CEP170B: variants seen among roughly 807,000 people sequenced by gnomAD.
CEP170B encodes centrosomal protein of 170 kDa protein B.
Under a neutral mutation model 120.6 loss-of-function variants are expected in CEP170B, and 55 were observed. The observed-to-expected ratio is 0.46, with a 90% CI of 0.37 to 0.57. The LOEUF (loss-of-function observed/expected upper bound fraction) is 0.57, where lower values mean the gene tolerates loss of function less well. CEP170B is among the 20% of genes least tolerant of loss of function. CEP170B has a pLI of 0.00. For missense variants in CEP170B, 2,212 were observed against 2,253.3 expected, an observed-to-expected ratio of 0.98 and a Z score of 0.37; for synonymous variants, 1,033 against 954.5, an observed-to-expected ratio of 1.08 and a Z score of -1.52.
At chr14:104,872,250 T>C (rs1354762535) in intron 2 of CEP170B, among the ~76,000 whole-genome samples, 2 of 123,046 alleles carry the variant, frequency 1.6e-5, no homozygotes, top group African/African-American at 3.3e-5. Flanking sequence ...TGCGTGTGTG[T>C]GCCATGTGTG....
In CEP170B at chr14:104,884,162, A is replaced by G. The variant is rs1353754107; in HGVS notation, c.1383A>G (p.Pro461=). The G allele has an allele frequency of 1.9e-6, 3 of 1,551,628 alleles. No individual in the cohort carries two copies. Among genetic ancestry groups the G allele is most frequent in the South Asian group, 1.2e-5 (1 of 84,646 alleles). Reference sequence around the variant, plus strand: ...AGGCAGGGGGCCGCAGCTCGGGGCCACAGAGGGCCGGCTCGCTCAAGCGGG... The same window carrying G: ...AGGCAGGGGGCCGCAGCTCGGGGCCGCAGAGGGCCGGCTCGCTCAAGCGGG... The part of the protein sequence containing the change: ...PVQAGGRSSG[P]QRAGSLKREK... The change falls in exon 9 of 19, where the codon CCA becomes CCG. Residue 461 remains proline (P), a synonymous_variant. Coordinates refer to ENST00000414716, the MANE Select transcript of CEP170B (RefSeq NM_001112726.3).
chr14:104,877,836 A>ACCCCCCCCCCCC, intron 3 of CEP170B, 49 bp from the exon 4 acceptor site: 3 of 237,068 alleles, frequency 1.3e-5, no homozygotes, highest in South Asian at 4.5e-5. Flanking sequence ...GCCCACAGCC[A>ACCCCCCCCCCCC]CCCACCCGCG....
chr14:104,884,040 T>C lies in CEP170B; in HGVS notation c.1261T>C (p.Ser421Pro). 6 of 1,610,284 alleles carry C rather than the reference T, an allele frequency of 3.7e-6. No homozygotes were observed. The highest frequency in any genetic ancestry group is 5.1e-6 in the Non-Finnish European group (6 of 1,178,632). The change falls in exon 9 of 19, where the codon TCC becomes CCC. Residue 421 changes from serine to proline, a missense_variant. Around this residue, in one of 2 missense-constraint regions of CEP170B, gnomAD observed 2,166 missense variants for 2,166.7 expected, o/e 1.00. Coordinates refer to ENST00000414716, the MANE Select transcript of CEP170B (RefSeq NM_001112726.3). Reference protein sequence around the residue: ...EDTPRKKRSQSFTHSPSGDPK... With the variant: ...EDTPRKKRSQPFTHSPSGDPK... ...CACACCCCGAAAGAAGCGCTCCCAG[T>C]CCTTCACGCACAGCCCGTCCGGGGA...
rs760788622 is a variant in CEP170B at position 104,880,440 on chromosome 14, T to TGCG, written c.472+17_472+19dup. The TGCG allele has an allele frequency of 6.2e-7, 1 of 1,609,800 alleles. No homozygotes were observed. The highest frequency in any genetic ancestry group is 2.2e-5 in the East Asian group (1 of 44,810). On this transcript the variant is annotated intron_variant, in intron 6 of 18. Transcript: ENST00000414716. ...ACCAGGAACAGGTAGGCCCAGGCAG[T>TGCG]GCGGATGGGGTGAGCACACAGGGCC... is the stretch of plus-strand genomic sequence containing the variant.
chr14:104,886,689 G>A lies in CEP170B; in HGVS notation c.2450G>A (p.Gly817Glu). ...TCTAGGAAACCGCTTGCGGCTCCAG[G>A]GGATGGGGAGGGCCTAGGGCAGACA... ...VLSRKPLAAP[G>E]DGEGLGQTAQ... is the part of the protein sequence containing the mutation. Residue 817 changes from glycine (G) to glutamate (E), a missense_variant, in exon 12 of 19, where the codon GGG becomes GAG. Physicochemically the swap from Gly to Glu is moderately conservative, Grantham distance 98. Around this residue, in one of 2 missense-constraint regions of CEP170B, gnomAD observed 2,166 missense variants for 2,166.7 expected, o/e 1.00. Coordinates refer to ENST00000414716, the MANE Select transcript of CEP170B (RefSeq NM_001112726.3). 9 of 1,555,492 alleles carry A rather than the reference G, an allele frequency of 5.8e-6. No individual in the cohort carries two copies. The highest frequency in any genetic ancestry group is 7.8e-6 in the Non-Finnish European group (9 of 1,152,426).
At chr14:104,885,928 G>A (rs547501669) in intron 10 of CEP170B, 112 bp from the exon 11 acceptor site, 15 of 934,982 alleles carry the variant, frequency 1.6e-5, no homozygotes, top group East Asian at 8.2e-5. Context: ...TGGGTGGCGC[G>A]CATGCGTGGG....
Position 104,867,662 on chromosome 14 carries a change from G to C in CEP170B, c.-27-762G>C, listed in dbSNP as rs187971535. ...CCTGGCCATTACTCAGGCTGTCCCC[G>C]TTACCTCCCAGGCTGCCACGGGGCT... On this transcript the variant is annotated intron_variant, in intron 1 of 18. Coordinates refer to ENST00000414716, the MANE Select transcript of CEP170B (RefSeq NM_001112726.3). The surrounding 1 kb of genome is among the most constrained non-coding windows in gnomAD (Gnocchi z 5.4). 1.3e-5 allele frequency among the ~76,000 whole-genome samples: 2 copies of C among 152,090 alleles called. No individual in the cohort carries two copies. The highest frequency in any genetic ancestry group is 4.8e-5 in the African/African-American group (2 of 41,390).
intron 5 of CEP170B, among the ~76,000 whole-genome samples, chr14:104,879,895 C>T (rs1413646556): frequency 1.3e-5 from 2 of 152,150 alleles, no homozygotes; most frequent in Non-Finnish European, 2.9e-5. Context: ...GGCGCTTAGC[C>T]CGTTCCTCGG....
In CEP170B at chr14:104,886,100, G is replaced by C. The variant is rs1288162751; in HGVS notation, c.2005G>C (p.Ala669Pro). 1 of 1,546,354 alleles carries C rather than the reference G, an allele frequency of 6.5e-7. No individual in the cohort carries two copies. The highest frequency in any genetic ancestry group is 1.4e-5 in the African/African-American group (1 of 73,156). ...QKWVSRWASL[A>P]DSYSDPGLTE... is the part of the protein sequence containing the mutation. ...GTGGGTGTCCCGCTGGGCCAGCCTGGCTGACAGCTACTCAGACCCGGGCCT... is the reference window on the plus strand; with the variant it reads ...GTGGGTGTCCCGCTGGGCCAGCCTGCCTGACAGCTACTCAGACCCGGGCCT... The change falls in exon 11 of 19, where the codon GCT becomes CCT. Residue 669 changes from alanine to proline, a missense_variant. Ala to Pro is a conservative substitution (Grantham distance 27, BLOSUM62 -1). Coordinates refer to ENST00000414716, the MANE Select transcript of CEP170B (RefSeq NM_001112726.3).
In CEP170B at chr14:104,880,310, G is replaced by A; in HGVS notation, c.357G>A (p.Leu119=). 2 of 1,607,232 alleles carry A rather than the reference G, an allele frequency of 1.2e-6. No individual in the cohort carries two copies. Among genetic ancestry groups the A allele is most frequent in the Non-Finnish European group, 1.7e-6 (2 of 1,177,356 alleles). ...ALKHEKYTSQ[L]QVSVKGLAPK... ...AGCATGAAAAGTACACCAGCCAGCTGCAGGTGAGCGTGAAGGGTTTGGCGC... is the reference window on the plus strand; with the variant it reads ...AGCATGAAAAGTACACCAGCCAGCTACAGGTGAGCGTGAAGGGTTTGGCGC... Residue 119 remains leucine, a synonymous_variant, in exon 6 of 19, where the codon CTG becomes CTA. Coordinates refer to ENST00000414716, the MANE Select transcript of CEP170B (RefSeq NM_001112726.3).
chr14:104,868,304 G>A lies in CEP170B; in HGVS notation c.-27-120G>A. 3 of 703,822 alleles carry A rather than the reference G, an allele frequency of 4.3e-6. No individual in the cohort carries two copies. Among genetic ancestry groups the A allele is most frequent in the Non-Finnish European group, 7.0e-6 (3 of 430,562 alleles). 43.6% of individuals were successfully genotyped at this position (703,822 alleles called of 1,614,324 possible). ...GGTGGCCTGATGAGGCTGGAGCCCA[G>A]CTTCTCCGGAAGCTGCCAGCTTCCC... is the stretch of plus-strand genomic sequence containing the variant. On this transcript the variant is annotated intron_variant, in intron 1 of 18. Coordinates refer to ENST00000414716, the MANE Select transcript of CEP170B (RefSeq NM_001112726.3). This position sits in a 1 kb window ranked among gnomAD's most constrained non-coding sequence, Gnocchi z 5.9.
intron 1 of CEP170B, among the ~76,000 whole-genome samples, chr14:104,866,556 A>G (rs1895218405): frequency 6.6e-6 from 1 of 152,086 alleles, no homozygotes; most frequent in Non-Finnish European, 1.5e-5. Flanking sequence ...TAGGAAGGGC[A>G]GGGCCCCCAG....
At chr14:104,872,759 G>A (rs1267851272) in intron 2 of CEP170B, among the ~76,000 whole-genome samples, 1 of 152,194 alleles carries the variant, frequency 6.6e-6, no homozygotes, top group East Asian at 1.9e-4. Flanking sequence ...CTGGCAGGAG[G>A]GTGTGCCCAG....
At chr14:104,893,423 G>C (rs928554899) in intron 14 of CEP170B, 100 bp from the exon 15 acceptor site, 7 of 1,391,926 alleles carry the variant, frequency 5.0e-6, no homozygotes, top group Non-Finnish European at 6.8e-6. Flanking sequence ...CGGAAGGTGG[G>C]TGTGCTCTGT....
chr14:104,890,340 G>A, intron 13 of CEP170B, among the ~76,000 whole-genome samples: 1 of 115,558 alleles, frequency 8.7e-6, no homozygotes, highest in Non-Finnish European at 1.9e-5. Flanking sequence ...ATGGATGGAT[G>A]AGTGTGTGGA....
intron 13 of CEP170B, among the ~76,000 whole-genome samples, chr14:104,890,998 TGTGGATGGATGGATGAGTGGGTGG>T (rs764034245): frequency 5.0e-5 from 1 of 20,014 alleles, no homozygotes; most frequent in Non-Finnish European, 9.6e-5. Context: ...GGTGGGTGGG[TGTGGATGGATGGATGAGTGGGTGG>T]GTGGATGGAT....
At position 104,868,782 on chromosome 14, in the gene CEP170B, G is replaced by A. The variant is rs111847403; in HGVS notation, c.105+227G>A. Among the ~76,000 whole-genome samples, 14 of 152,294 alleles carry A rather than the reference G, an allele frequency of 9.2e-5. No homozygotes were observed. Among genetic ancestry groups the A allele is most frequent in the South Asian group, 4.1e-4 (2 of 4,826 alleles). On this transcript the variant is annotated intron_variant, in intron 2 of 18. Coordinates refer to ENST00000414716, the MANE Select transcript of CEP170B (RefSeq NM_001112726.3). This position sits in a 1 kb window ranked among gnomAD's most constrained non-coding sequence, Gnocchi z 5.9. The stretch of plus-strand genomic sequence containing the variant: ...GCTCACAGGCTCGGGTCCCTGCCCC[G>A]TACGTATCCCTGTCTCTGACAGGAG...
chr14:104,890,178 A>G (rs1174041035), intron 13 of CEP170B, among the ~76,000 whole-genome samples: 14 of 41,586 alleles, frequency 3.4e-4, no homozygotes, highest in East Asian at 7.0e-4. Flanking sequence ...GGATGGATGG[A>G]TGGATGGATG....
At chr14:104,872,564 T>C (rs1895632183) in intron 2 of CEP170B, among the ~76,000 whole-genome samples, 1 of 151,942 alleles carries the variant, frequency 6.6e-6, no homozygotes, top group Non-Finnish European at 1.5e-5. Context: ...GTGTGTGTTG[T>C]GTGCATGTGT....
Sources: gnomAD v4.1 joint callset for allele counts (sites outside exome capture counted in the v4.1 genomes callset) on GRCh38, gnomAD v4.1.1 for gene constraint, gnomAD v4.1.1 regional missense constraint, Gnocchi (gnomAD v3.1) non-coding constraint, MANE v1.5 for transcripts, NCBI Gene and HGNC (gene_info 2026-07-23, HGNC 2026-07-21) for gene names.